Variants in CACNA2D3 observed in about 807,000 individuals in gnomAD.
CACNA2D3 encodes the protein voltage-dependent calcium channel subunit alpha-2/delta-3.
Under a neutral mutation model 160.6 loss-of-function variants are expected in CACNA2D3, and 60 were observed. The ratio of observed to expected loss-of-function variants is 0.37; its 90% CI spans 0.30 to 0.46. The LOEUF (loss-of-function observed/expected upper bound fraction) is 0.46, where lower values mean the gene tolerates loss of function less well. Ranked by LOEUF, CACNA2D3 falls within the 20% of genes least tolerant of loss-of-function variation. CACNA2D3 has a pLI of 1.00. For synonymous variants in CACNA2D3, 558 were observed against 492.9 expected (o/e 1.13, Z -1.75); for missense variants, 1,205 against 1,365.0 (o/e 0.88, Z 1.85).
intron 9 of CACNA2D3, among the ~76,000 whole-genome samples, chr3:54,602,447 G>A (rs1703077922): frequency 7.4e-6 from 1 of 135,936 alleles, no homozygotes; most frequent in Admixed American, 8.1e-5. Flanking sequence ...GCAGTGAGCC[G>A]AGATCATGCC....
At position 54,359,178 on chromosome 3, in the gene CACNA2D3, C is replaced by T. The variant is rs370662263; in HGVS notation, c.322-27537C>T. ...CTCAAAATAGGTCTAGGCAAGCTCCCAAGTTCAAGTGGGAAGTAACACTTC... is the reference window on the plus strand; with the variant it reads ...CTCAAAATAGGTCTAGGCAAGCTCCTAAGTTCAAGTGGGAAGTAACACTTC... On this transcript the variant is annotated intron_variant, in intron 3 of 37. Coordinates refer to ENST00000474759, the MANE Select transcript of CACNA2D3 (RefSeq NM_018398.3). 3.9e-5 allele frequency among the ~76,000 whole-genome samples: 6 copies of T among 152,292 alleles called. No individual in the cohort carries two copies. The East Asian group carries it at 1.2e-3, about 29-fold the overall frequency.
At chr3:54,390,325 C>T (rs1699257716) in intron 4 of CACNA2D3, among the ~76,000 whole-genome samples, 1 of 152,138 alleles carries the variant, frequency 6.6e-6, no homozygotes, top group African/African-American at 2.4e-5. Flanking sequence ...AAGCAATTCC[C>T]TCTGTCAAAG....
intron 2 of CACNA2D3, among the ~76,000 whole-genome samples, chr3:54,157,491 AC>A (rs1700264316): frequency 6.6e-6 from 1 of 152,128 alleles, no homozygotes; most frequent in South Asian, 2.1e-4. Flanking sequence ...TTTGGTGGGA[AC>A]ATAAAGAAGA....
At chr3:54,629,517 A>G (rs1189199474) in intron 10 of CACNA2D3, among the ~76,000 whole-genome samples, 3 of 152,198 alleles carry the variant, frequency 2.0e-5, no homozygotes, top group East Asian at 1.9e-4. Context: ...TGCCAAGTCA[A>G]CTTCCTCAGT....
At chr3:54,516,754 G>A (rs1701557792) in intron 5 of CACNA2D3, among the ~76,000 whole-genome samples, 1 of 152,182 alleles carries the variant, frequency 6.6e-6, no homozygotes, top group Admixed American at 6.5e-5. Context: ...GCTGGATGTG[G>A]GGAAATTGGA....
chr3:54,959,816 G>T (rs1034170961), intron 27 of CACNA2D3, among the ~76,000 whole-genome samples: 8 of 152,152 alleles, frequency 5.3e-5, no homozygotes, highest in African/African-American at 1.9e-4. Context: ...AGCATAAAAT[G>T]ATCTGACAAA....
At chr3:54,350,982 G>GTTTTT (rs1491034355) in intron 3 of CACNA2D3, among the ~76,000 whole-genome samples, 4 of 61,800 alleles carry the variant, frequency 6.5e-5, no homozygotes, top group Non-Finnish European at 9.1e-5. Context: ...TTTTTTTTTT[G>GTTTTT]TTTGTTTTTT....
At chr3:54,275,459 T>A (rs1392862380) in intron 2 of CACNA2D3, among the ~76,000 whole-genome samples, 1 of 144,002 alleles carries the variant, frequency 6.9e-6, no homozygotes, top group East Asian at 2.4e-4. Flanking sequence ...AATACAGCTA[T>A]CAAAATATAA....
intron 5 of CACNA2D3, among the ~76,000 whole-genome samples, chr3:54,554,179 A>G (rs1442617006): frequency 2.6e-5 from 4 of 152,010 alleles, no homozygotes; most frequent in African/African-American, 9.7e-5. Flanking sequence ...TGGGAGGGTC[A>G]TCTTTGACCA....
At chr3:54,469,775 A>G (rs951563852) in intron 4 of CACNA2D3, among the ~76,000 whole-genome samples, 16 of 152,048 alleles carry the variant, frequency 1.1e-4, no homozygotes, top group Non-Finnish European at 2.4e-4. Context: ...CGAGAACTTC[A>G]TGAAGCATAC....
chr3:54,505,375 G>T (rs1253738412), intron 5 of CACNA2D3, among the ~76,000 whole-genome samples: 1 of 152,290 alleles, frequency 6.6e-6, no homozygotes, highest in Non-Finnish European at 1.5e-5. Flanking sequence ...CAGGGCCACA[G>T]TTCATCTTTT....
chr3:54,613,039 A>G (rs1387589117), intron 9 of CACNA2D3, among the ~76,000 whole-genome samples: 1 of 152,246 alleles, frequency 6.6e-6, no homozygotes. Flanking sequence ...ACAGGTGGAT[A>G]CAAACAATAA....
chr3:54,563,864 T>C (rs1352291797), intron 6 of CACNA2D3, among the ~76,000 whole-genome samples: 1 of 152,192 alleles, frequency 6.6e-6, no homozygotes, highest in Non-Finnish European at 1.5e-5. Context: ...GCGCACAGCA[T>C]CTGACCCTCG....
intron 11 of CACNA2D3, among the ~76,000 whole-genome samples, chr3:54,737,663 G>T (rs1216148755): frequency 6.6e-6 from 1 of 152,080 alleles, no homozygotes; most frequent in Non-Finnish European, 1.5e-5. Flanking sequence ...GCAAAGGCGG[G>T]GATCTCTATC....
At chr3:54,819,136 C>T (rs1323954423) in intron 14 of CACNA2D3, among the ~76,000 whole-genome samples, 3 of 151,860 alleles carry the variant, frequency 2.0e-5, no homozygotes, top group African/African-American at 7.3e-5. Context: ...CAAGTGTCAG[C>T]TTTCCTTAGA....
chr3:54,122,704 G>A lies in CACNA2D3; in HGVS notation c.-10G>A. The A allele has an allele frequency of 8.6e-7, 1 of 1,168,784 alleles. No homozygotes were observed. Among genetic ancestry groups the A allele is most frequent in the Non-Finnish European group, 1.1e-6 (1 of 948,222 alleles). 72.4% of individuals were successfully genotyped at this position (1,168,784 alleles called of 1,614,324 possible). A position where few individuals can be genotyped will look rare whatever the true frequency, so the allele number is the denominator to read the frequency against. ...CGCCGCCGCAGCGGGCGCGTCGGAG[G>A]GAGCCCAGCATGGCCGGGCCGGGCT... On this transcript the variant is annotated 5_prime_UTR_variant, in exon 1 of 38. Transcript: ENST00000474759.
intron 11 of CACNA2D3, among the ~76,000 whole-genome samples, chr3:54,687,411 A>T (rs1465192210): frequency 6.6e-6 from 1 of 151,324 alleles, no homozygotes; most frequent in Admixed American, 6.6e-5. Flanking sequence ...TGGCCTCCCA[A>T]TGTGCCAGGA....
chr3:54,747,179 G>C (rs534725791), intron 11 of CACNA2D3, among the ~76,000 whole-genome samples: 132 of 152,174 alleles, frequency 8.7e-4, no homozygotes, highest in African/African-American at 2.9e-3. Flanking sequence ...ACCTGGGTCA[G>C]ACCCCACGGA....
At chr3:54,970,352 C>G (rs1052038934) in intron 29 of CACNA2D3, among the ~76,000 whole-genome samples, 1 of 152,018 alleles carries the variant, frequency 6.6e-6, no homozygotes. Flanking sequence ...TTGTAGCATA[C>G]TGCTTCTCTC....
Sources: allele counts gnomAD v4.1 joint callset (sites outside exome capture counted in the v4.1 genomes callset), GRCh38; gene constraint gnomAD v4.1.1; transcripts MANE v1.5; gene names NCBI Gene and HGNC (gene_info 2026-07-23, HGNC 2026-07-21).